The following SPTLC3 variants were observed in gnomAD, a reference collection of about 807,000 sequenced individuals.
SPTLC3 encodes serine palmitoyltransferase 3.
In SPTLC3, 36 loss-of-function variants were observed where a neutral mutation model predicts 59.3. That is an observed-to-expected ratio of 0.61 (90% CI 0.47 to 0.80). The LOEUF is 0.80. SPTLC3 is among the 30% of genes least tolerant of loss of function. The pLI is 0.00. For missense variants in SPTLC3, 625 were observed against 685.1 expected, an observed-to-expected ratio of 0.91 and a Z score of 0.98; for synonymous variants, 257 against 240.8, an observed-to-expected ratio of 1.07 and a Z score of -0.62.
At chr20:13,035,312 T>C (rs1309229924) in intron 1 of SPTLC3, among the ~76,000 whole-genome samples, 1 of 152,110 alleles carries the variant, frequency 6.6e-6, no homozygotes, top group Non-Finnish European at 1.5e-5. Context: ...AAAAAGTAAA[T>C]TTTACTATAA....
Position 13,167,109 on chromosome 20 carries a change from G to A in SPTLC3, c.*2242G>A, listed in dbSNP as rs1414608332. 1.3e-5 allele frequency: 2 copies of A among 152,150 alleles called. No individual in the cohort carries two copies. Among genetic ancestry groups the A allele is most frequent in the Non-Finnish European group, 2.9e-5 (2 of 68,034 alleles). The allele number at this position is 152,150 out of a possible 1,614,324, so 9.4% of individuals were successfully genotyped here. On this transcript the variant is annotated 3_prime_UTR_variant, in exon 12 of 12. Transcript: ENST00000399002. ...AGAATGCTTCCACAGTGCATTAGAA[G>A]GTGCCCAAGCTCCACAGGGCCAATA...
chr20:13,019,858 G>A (rs1455796066), intron 1 of SPTLC3, among the ~76,000 whole-genome samples: 1 of 152,182 alleles, frequency 6.6e-6, no homozygotes, highest in African/African-American at 2.4e-5. Flanking sequence ...GTTATACACA[G>A]CTCTTATTTG....
chr20:13,099,072 G>A (rs572293733), intron 6 of SPTLC3, among the ~76,000 whole-genome samples: 20 of 152,160 alleles, frequency 1.3e-4, no homozygotes, highest in Non-Finnish European at 2.5e-4. Flanking sequence ...GCCTGGCAAA[G>A]GGAATTCAGG....
chr20:13,100,777 T>C (rs1251363561), intron 6 of SPTLC3, among the ~76,000 whole-genome samples: 1 of 152,228 alleles, frequency 6.6e-6, no homozygotes, highest in African/African-American at 2.4e-5. Context: ...TATCCTCATT[T>C]TATTAAAGAG....
At chr20:13,014,096 C>A (rs1290766693) in intron 1 of SPTLC3, among the ~76,000 whole-genome samples, 7 of 152,178 alleles carry the variant, frequency 4.6e-5, no homozygotes, top group Admixed American at 6.5e-5. Flanking sequence ...TACAAGACCT[C>A]TTTTATGTCC....
At chr20:13,023,902 G>A (rs895747971) in intron 1 of SPTLC3, among the ~76,000 whole-genome samples, 12 of 152,248 alleles carry the variant, frequency 7.9e-5, no homozygotes, top group African/African-American at 2.9e-4. Flanking sequence ...GGATTAGAGG[G>A]AAAATGACTA....
intron 4 of SPTLC3, among the ~76,000 whole-genome samples, chr20:13,075,537 G>T (rs1388560381): frequency 1.3e-5 from 2 of 152,184 alleles, no homozygotes; most frequent in Non-Finnish European, 2.9e-5. Flanking sequence ...TAAAGCTCTA[G>T]AGTTAATAGT....
intron 4 of SPTLC3, among the ~76,000 whole-genome samples, chr20:13,080,544 A>G (rs1324099595): frequency 6.6e-6 from 1 of 150,392 alleles, no homozygotes; most frequent in African/African-American, 2.5e-5. Flanking sequence ...CACAGCCAGG[A>G]TAGTGTGACA....
At chr20:13,114,689 C>T (rs972438219) in intron 7 of SPTLC3, among the ~76,000 whole-genome samples, 1 of 152,140 alleles carries the variant, frequency 6.6e-6, no homozygotes, top group Admixed American at 6.5e-5. Context: ...AATAAGAAAA[C>T]ATTTGTTACT....
At chr20:13,077,532 A>T (rs1988689668) in intron 4 of SPTLC3, among the ~76,000 whole-genome samples, 1 of 152,066 alleles carries the variant, frequency 6.6e-6, no homozygotes, top group African/African-American at 2.4e-5. Context: ...CATAAGTCAC[A>T]TTCTTGAATC....
At chr20:13,074,252 T>C (rs1230119436) in intron 3 of SPTLC3, 97 bp from the exon 4 acceptor site, 28 of 1,505,390 alleles carry the variant, frequency 1.9e-5, no homozygotes, top group African/African-American at 2.8e-5. Context: ...TCATCCTCTT[T>C]TTCTTCATAG....
At chr20:13,154,164 C>A (rs1222679526) in intron 10 of SPTLC3, 26 bp downstream of exon 10, 1 of 1,612,998 alleles carries the variant, frequency 6.2e-7, no homozygotes, top group South Asian at 1.1e-5. Flanking sequence ...ATCTCATAAT[C>A]ACACCTAAAC....
At chr20:13,137,480 A>G (rs184714219) in intron 9 of SPTLC3, among the ~76,000 whole-genome samples, 2 of 151,780 alleles carry the variant, frequency 1.3e-5, no homozygotes, top group East Asian at 3.9e-4. Context: ...GTTATAATAT[A>G]TATATTAATA....
intron 1 of SPTLC3, among the ~76,000 whole-genome samples, chr20:13,044,733 C>A (rs761042430): frequency 2.0e-5 from 3 of 152,064 alleles, no homozygotes; most frequent in African/African-American, 4.8e-5. Flanking sequence ...CAAAAGTGAC[C>A]TTTACTAGCC....
intron 8 of SPTLC3, among the ~76,000 whole-genome samples, chr20:13,126,258 G>T (rs74571351): frequency 6.6e-6 from 1 of 152,134 alleles, no homozygotes; most frequent in Admixed American, 6.5e-5. Flanking sequence ...TTTGGGCACT[G>T]AACACAAAGT....
chr20:13,127,679 C>A (rs891156260), intron 9 of SPTLC3, among the ~76,000 whole-genome samples: 2 of 152,132 alleles, frequency 1.3e-5, no homozygotes, highest in African/African-American at 2.4e-5. Flanking sequence ...ACTGATACCC[C>A]CTGGGGCCCT....
chr20:13,112,933 A>G (rs562632554), intron 7 of SPTLC3, among the ~76,000 whole-genome samples: 76 of 152,166 alleles, frequency 5.0e-4, no homozygotes, highest in Non-Finnish European at 7.2e-4. Context: ...CTGTAATCCT[A>G]TCACTTCGGG....
chr20:13,132,661 G>A (rs1444913360), intron 9 of SPTLC3, among the ~76,000 whole-genome samples: 2 of 151,974 alleles, frequency 1.3e-5, no homozygotes, highest in East Asian at 1.9e-4. Context: ...AATTCTTCTC[G>A]CTATCCCTCT....
rs6041874 is a variant in SPTLC3 at position 13,114,781 on chromosome 20, G to C, written c.933-2725G>C. Among the ~76,000 whole-genome samples the C allele has an allele frequency of 4.2e-3, 605 of 145,350 alleles. 3 individuals are homozygous for C. The highest frequency in any genetic ancestry group is 0.016 in the African/African-American group (577 of 35,010). Reference sequence around the variant, plus strand: ...TTGAGTTACACTTTGGGCCCACCAAGGAGATTTTTCCACCATGTGAGTTAG... The same window carrying C: ...TTGAGTTACACTTTGGGCCCACCAACGAGATTTTTCCACCATGTGAGTTAG... On this transcript the variant is annotated intron_variant, in intron 7 of 11. Transcript: ENST00000399002.
Sources: allele counts gnomAD v4.1 joint callset (sites outside exome capture counted in the v4.1 genomes callset), GRCh38; gene constraint gnomAD v4.1.1; transcripts MANE v1.5; gene names NCBI Gene and HGNC (gene_info 2026-07-23, HGNC 2026-07-21).